The following ACER2 variants were observed in gnomAD, a reference collection of about 807,000 sequenced individuals.
The protein encoded by ACER2 is alkCDase 2.
In ACER2, 26 loss-of-function variants were observed where a neutral mutation model predicts 34.7. The observed-to-expected ratio is 0.75, with a 90% CI of 0.55 to 1.04. The LOEUF (loss-of-function observed/expected upper bound fraction) is 1.04. ACER2 is among the 50% of genes least tolerant of loss of function. ACER2 has a pLI of 0.00. For missense variants in ACER2, 352 were observed against 340.8 expected, an observed-to-expected ratio of 1.03 and a Z score of -0.26; for synonymous variants, 138 against 132.1, an observed-to-expected ratio of 1.04 and a Z score of -0.31.
chr9:19,409,700 CATGCCTATA>C (rs935110704), intron 1 of ACER2: 1 of 977,174 alleles, frequency 1.0e-6, no homozygotes, highest in African/African-American at 1.8e-5. Flanking sequence ...CCCCCAAGAA[CATGCCTATA>C]ATGGTCGAGT....
chr9:19,450,615 A>G lies in ACER2; in HGVS notation c.807A>G (p.Lys269=). The change falls in exon 6 of 6, where the codon AAA becomes AAG. Residue 269 remains lysine, a synonymous_variant. Coordinates refer to ENST00000340967, the MANE Select transcript of ACER2 (RefSeq NM_001010887.3). ...TGTCCCTCCTGTGTGCCAACAAGAAATCATCAGTCAAGATCACGTGATGGC... is the reference window on the plus strand; with the variant it reads ...TGTCCCTCCTGTGTGCCAACAAGAAGTCATCAGTCAAGATCACGTGATGGC... The part of the protein sequence containing the change: ...PYVSLLCANK[K]SSVKIT The G allele has an allele frequency of 6.3e-7, 1 of 1,575,370 alleles. No individual in the cohort carries two copies. The highest frequency in any genetic ancestry group is 1.1e-5 in the South Asian group (1 of 88,100).
In ACER2 at chr9:19,446,085, G is replaced by A. The variant is rs186166011; in HGVS notation, c.504-196G>A. The A allele has an allele frequency of 5.4e-5, 45 of 836,380 alleles. No homozygotes were observed. In the African/African-American group the frequency reaches 6.1e-4, roughly 11 times the overall value. The allele number at this position is 836,380 out of a possible 1,614,324, so 51.8% of individuals were successfully genotyped here. On this transcript the variant is annotated intron_variant, in intron 4 of 5. Transcript: ENST00000340967. Reference sequence around the variant, plus strand: ...GTCAGGAGAGAAGCCTGGGTGGGAAGGGTGTCTGTGAGCCATCTGTGTACA... The same window carrying A: ...GTCAGGAGAGAAGCCTGGGTGGGAAAGGTGTCTGTGAGCCATCTGTGTACA...
intron 1 of ACER2, among the ~76,000 whole-genome samples, chr9:19,420,923 G>T (rs575228756): frequency 1.3e-5 from 2 of 152,254 alleles, no homozygotes; most frequent in African/African-American, 4.8e-5. Context: ...TAGTACAGTT[G>T]TGTGATGGGG....
intron 4 of ACER2, among the ~76,000 whole-genome samples, chr9:19,444,078 T>C (rs767507239): frequency 2.0e-5 from 3 of 151,580 alleles, no homozygotes; most frequent in Non-Finnish European, 4.4e-5. Context: ...GTCCGCTCTT[T>C]TGGTTTCCCT....
At chr9:19,444,582 A>T (rs909719243) in intron 4 of ACER2, among the ~76,000 whole-genome samples, 5 of 152,222 alleles carry the variant, frequency 3.3e-5, no homozygotes, top group Non-Finnish European at 7.3e-5. Flanking sequence ...CCTGGTCGGC[A>T]TGCAGCCTGT....
chr9:19,411,456 C>T (rs1441843865), intron 1 of ACER2, among the ~76,000 whole-genome samples: 2 of 152,138 alleles, frequency 1.3e-5, no homozygotes, highest in Non-Finnish European at 2.9e-5. Flanking sequence ...GCGATCTTGG[C>T]TCACTGCGAC....
Position 19,409,105 on chromosome 9 carries a change from G to T in ACER2, c.21G>T (p.Trp7Cys). Residue 7 changes from tryptophan (W) to cysteine (C), a missense_variant, in exon 1 of 6, where the codon TGG becomes TGT. Coordinates refer to ENST00000340967, the MANE Select transcript of ACER2 (RefSeq NM_001010887.3). The part of the protein sequence containing the change: MGAPHW[W>C]DQLQAGSSEV... ...TGGCCATGGGCGCCCCGCACTGGTG[G>T]GACCAGCTGCAGGCTGGTAGCTCGG... 1 of 1,600,556 alleles carries T rather than the reference G, an allele frequency of 6.2e-7. No homozygotes were observed. Among genetic ancestry groups the T allele is most frequent in the Non-Finnish European group, 8.5e-7 (1 of 1,174,320 alleles).
chr9:19,431,895 C>A (rs1563882563), intron 3 of ACER2, among the ~76,000 whole-genome samples: 1 of 152,196 alleles, frequency 6.6e-6, no homozygotes, highest in Non-Finnish European at 1.5e-5. Flanking sequence ...TTCAAATTGG[C>A]TTCTTAACTG....
In ACER2 at chr9:19,438,386, C is replaced by A. The variant is rs1275101919; in HGVS notation, c.503+3302C>A. ...TTGTATCTGTTTTTTAGGGATCTTA[C>A]CTTTATTATCCAGGAACTCTCCCTA... On this transcript the variant is annotated intron_variant, in intron 4 of 5. Transcript: ENST00000340967. 2.6e-5 allele frequency among the ~76,000 whole-genome samples: 4 copies of A among 152,242 alleles called. No homozygotes were observed. The South Asian group carries it at 6.2e-4, about 24-fold the overall frequency.
intron 4 of ACER2, among the ~76,000 whole-genome samples, chr9:19,438,979 A>G (rs901869418): frequency 2.0e-5 from 3 of 152,204 alleles, no homozygotes; most frequent in African/African-American, 7.2e-5. Flanking sequence ...CATAAGACCT[A>G]AAGAAGAGCA....
chr9:19,431,915 C>T (rs1434618635), intron 3 of ACER2, among the ~76,000 whole-genome samples: 1 of 152,178 alleles, frequency 6.6e-6, no homozygotes, highest in African/African-American at 2.4e-5. Context: ...GTGACCTGTT[C>T]CAGGGGCTCT....
chr9:19,423,861 G>C lies in ACER2; in HGVS notation c.109-1G>C. 1 of 1,611,624 alleles carries C rather than the reference G, an allele frequency of 6.2e-7. No individual in the cohort carries two copies. The highest frequency in any genetic ancestry group is 8.5e-7 in the Non-Finnish European group (1 of 1,177,982). ...TTCTGTTTTACATTTTTTTCCTGCA[G>C]ATCAGCAATGTCTTATTTTTCATTT... is the stretch of plus-strand genomic sequence containing the variant. On this transcript the variant is annotated splice_acceptor_variant, in intron 1 of 5. Transcript: ENST00000340967. LOFTEE classifies it high-confidence loss of function.
intron 4 of ACER2, among the ~76,000 whole-genome samples, chr9:19,443,123 C>T (rs1029299663): frequency 2.0e-5 from 3 of 152,088 alleles, no homozygotes; most frequent in East Asian, 1.9e-4. Flanking sequence ...CTCCGCCTCC[C>T]GGGTTCGCGC....
chr9:19,409,809 C>T lies in ACER2; in HGVS notation c.108+617C>T, dbSNP rs762994923. On this transcript the variant is annotated intron_variant, in intron 1 of 5. Coordinates refer to ENST00000340967, the MANE Select transcript of ACER2 (RefSeq NM_001010887.3). ...TGTGCAAGCCGCTAATTCAACTCCC[C>T]CAGGACTGTGCTTTCTCCAGTTCTG... The T allele has an allele frequency of 1.0e-5, 10 of 985,324 alleles. No individual in the cohort carries two copies. In the South Asian group the frequency reaches 4.2e-4, roughly 42 times the overall value. 61.0% of individuals were successfully genotyped at this position (985,324 alleles called of 1,614,324 possible).
intron 3 of ACER2, among the ~76,000 whole-genome samples, chr9:19,429,070 G>A (rs1830670942): frequency 6.6e-6 from 1 of 152,068 alleles, no homozygotes; most frequent in Non-Finnish European, 1.5e-5. Context: ...TTACAGGCAT[G>A]AGCCACTGTG....
At chr9:19,447,889 A>G (rs550543017) in intron 5 of ACER2, among the ~76,000 whole-genome samples, 9 of 152,142 alleles carry the variant, frequency 5.9e-5, no homozygotes, top group Non-Finnish European at 1.2e-4. Context: ...CCCCAAAGAA[A>G]CATAATTATT....
intron 1 of ACER2, 132 bp downstream of exon 1, chr9:19,409,324 C>T (rs1830012801): frequency 1.3e-6 from 1 of 788,566 alleles, no homozygotes; most frequent in Non-Finnish European, 2.0e-6. Flanking sequence ...TGAGTCAGTC[C>T]ACACCCCCTC....
chr9:19,440,733 C>T (rs1412218316), intron 4 of ACER2, among the ~76,000 whole-genome samples: 9 of 152,204 alleles, frequency 5.9e-5, no homozygotes, highest in Non-Finnish European at 8.8e-5. Context: ...ATCTCCTCTA[C>T]TTCTGTGGCT....
At chr9:19,444,336 C>T (rs1434381603) in intron 4 of ACER2, among the ~76,000 whole-genome samples, 3 of 151,572 alleles carry the variant, frequency 2.0e-5, no homozygotes, top group Admixed American at 6.6e-5. Context: ...CTCAGCCTCC[C>T]GAGTAGCTGG....
Sources: allele counts gnomAD v4.1 joint callset (sites outside exome capture counted in the v4.1 genomes callset), GRCh38; gene constraint gnomAD v4.1.1; transcripts MANE v1.5; gene names NCBI Gene and HGNC (gene_info 2026-07-23, HGNC 2026-07-21).